PDZRN3: variants seen among roughly 807,000 people sequenced by gnomAD.
PDZRN3 encodes the protein PDZ domain containing ring finger 3, also known as E3 ubiquitin-protein ligase PDZRN3.
In PDZRN3, 38 loss-of-function variants were observed where a neutral mutation model predicts 85.7. The observed-to-expected ratio is 0.44, with a 90% CI of 0.34 to 0.58. The LOEUF is 0.58. Among genes scored for constraint, PDZRN3 ranks in the 20% least tolerant of loss-of-function variants. The pLI is 0.01. For missense variants in PDZRN3, 1,629 were observed against 1,506.4 expected, an observed-to-expected ratio of 1.08 and a Z score of -1.35; for synonymous variants, 759 against 638.0, an observed-to-expected ratio of 1.19 and a Z score of -2.86.
intron 3 of PDZRN3, among the ~76,000 whole-genome samples, chr3:73,475,453 T>G (rs374835406): frequency 6.6e-6 from 1 of 151,952 alleles, no homozygotes; most frequent in Non-Finnish European, 1.5e-5. Context: ...ATTCACAGGG[T>G]TCCCCCCCCA....
At chr3:73,583,528 C>T (rs537973807) in intron 3 of PDZRN3, among the ~76,000 whole-genome samples, 453 of 152,294 alleles carry the variant, frequency 3.0e-3, no homozygotes, top group Non-Finnish European at 4.2e-3. Flanking sequence ...ATATTCTGCA[C>T]CCTCCTCCCA....
At chr3:73,588,024 G>A (rs1314263238) in intron 3 of PDZRN3, among the ~76,000 whole-genome samples, 1 of 152,140 alleles carries the variant, frequency 6.6e-6, no homozygotes, top group Non-Finnish European at 1.5e-5. Flanking sequence ...TGTTTAATAG[G>A]TATATGTGTG....
intron 3 of PDZRN3, chr3:73,474,390 A>C (rs1703407791): frequency 1.1e-6 from 1 of 946,876 alleles, no homozygotes; most frequent in African/African-American, 1.7e-5. Context: ...GTGTATAATG[A>C]GCAAATACAA....
intron 3 of PDZRN3, among the ~76,000 whole-genome samples, chr3:73,477,520 C>T (rs574785382): frequency 3.9e-5 from 6 of 152,296 alleles, no homozygotes; most frequent in Admixed American, 2.6e-4. Flanking sequence ...GTGAGGGCTG[C>T]TGAGCCAACA....
intron 3 of PDZRN3, among the ~76,000 whole-genome samples, chr3:73,497,862 C>G (rs1703897675): frequency 6.6e-6 from 1 of 151,798 alleles, no homozygotes; most frequent in South Asian, 2.1e-4. Context: ...GGGCACGACT[C>G]GAACCTCTGG....
At chr3:73,489,827 CT>C (rs1703737248) in intron 3 of PDZRN3, among the ~76,000 whole-genome samples, 1 of 152,052 alleles carries the variant, frequency 6.6e-6, no homozygotes, top group Non-Finnish European at 1.5e-5. Flanking sequence ...CTGCCTCAGC[CT>C]CCCAAAGTGC....
At chr3:73,563,497 A>C (rs886843368) in intron 3 of PDZRN3, among the ~76,000 whole-genome samples, 30 of 152,194 alleles carry the variant, frequency 2.0e-4, no homozygotes, top group African/African-American at 7.2e-4. Flanking sequence ...TGTTTTCTGC[A>C]TGACTTTGCT....
intron 3 of PDZRN3, among the ~76,000 whole-genome samples, chr3:73,575,794 C>A (rs1486359276): frequency 6.6e-6 from 1 of 152,140 alleles, no homozygotes; most frequent in Non-Finnish European, 1.5e-5. Flanking sequence ...AACAGGAGAC[C>A]AAATTAACTG....
At position 73,603,886 on chromosome 3, in the gene PDZRN3, T is replaced by TACAC. The variant is rs370554640; in HGVS notation, c.811-1429_811-1426dup. 8.0e-3 allele frequency among the ~76,000 whole-genome samples: 1,153 copies of TACAC among 145,010 alleles called. 8 individuals are homozygous for TACAC. The highest frequency in any genetic ancestry group is 0.015 in the South Asian group (67 of 4,594). On this transcript the variant is annotated intron_variant, in intron 2 of 9. Coordinates refer to ENST00000263666, the MANE Select transcript of PDZRN3 (RefSeq NM_015009.3). ...ACTTCCCCAAACACACACACACACA[T>TACAC]ACACACACACACACACACACACAGA... is the stretch of plus-strand genomic sequence containing the variant.
chr3:73,429,780 C>T (rs1702392950), intron 3 of PDZRN3, among the ~76,000 whole-genome samples: 2 of 152,298 alleles, frequency 1.3e-5, no homozygotes, highest in South Asian at 4.1e-4. Context: ...AAAAGGACAT[C>T]AGCGTTCTCA....
chr3:73,384,295 G>T lies in PDZRN3; in HGVS notation c.2271C>A (p.Ala757=). 1 of 1,612,870 alleles carries T rather than the reference G, an allele frequency of 6.2e-7. No individual in the cohort carries two copies. The highest frequency in any genetic ancestry group is 8.5e-7 in the Non-Finnish European group (1 of 1,180,024). The change falls in exon 10 of 10, where the codon GCC becomes GCA. Residue 757 remains alanine, a synonymous_variant. Coordinates refer to ENST00000263666, the MANE Select transcript of PDZRN3 (RefSeq NM_015009.3). The part of the protein sequence containing the change: ...PEKSDKDSSS[A]YNTGESCRST... Reference sequence around the variant, plus strand: ...TGCGGCAGCTCTCGCCTGTGTTGTAGGCGCTCGAGCTGTCCTTGTCGGATT... The same window carrying T: ...TGCGGCAGCTCTCGCCTGTGTTGTATGCGCTCGAGCTGTCCTTGTCGGATT...
At chr3:73,444,003 G>A (rs979786195) in intron 3 of PDZRN3, among the ~76,000 whole-genome samples, 4 of 152,050 alleles carry the variant, frequency 2.6e-5, no homozygotes, top group Admixed American at 2.0e-4. Context: ...TGGAACGAAC[G>A]CGCAATTGGT....
At chr3:73,515,479 T>A (rs1704241528) in intron 3 of PDZRN3, among the ~76,000 whole-genome samples, 1 of 152,166 alleles carries the variant, frequency 6.6e-6, no homozygotes. Context: ...CCCGGCCCAA[T>A]CAGCCCTTCT....
chr3:73,393,198 G>A lies in PDZRN3; in HGVS notation c.1255-2082C>T, dbSNP rs182969801. On this transcript the variant is annotated intron_variant, in intron 5 of 9. Coordinates refer to ENST00000263666, the MANE Select transcript of PDZRN3 (RefSeq NM_015009.3). Reference sequence around the variant, plus strand: ...CACGTGCAACCCAAGCAGAGAGAGCGAGCAGTGGGAAGATTGTAGGAAGAA... The same window carrying A: ...CACGTGCAACCCAAGCAGAGAGAGCAAGCAGTGGGAAGATTGTAGGAAGAA... Among the ~76,000 whole-genome samples, 270 of 152,196 alleles carry A rather than the reference G, an allele frequency of 1.8e-3. 1 individual carries two copies. The highest frequency in any genetic ancestry group is 6.3e-3 in the African/African-American group (260 of 41,512).
Position 73,624,607 on chromosome 3 carries a change from G to T in PDZRN3, c.219C>A (p.Arg73=). 1 of 1,560,426 alleles carries T rather than the reference G, an allele frequency of 6.4e-7. No homozygotes were observed. Among genetic ancestry groups the T allele is most frequent in the Non-Finnish European group, 8.6e-7 (1 of 1,156,958 alleles). The part of the protein sequence containing the change: ...KELNHVLPLK[R]LILKLDIKCA... ...ACTTGATGTCCAGCTTGAGGATAAG[G>T]CGCTTGAGCGGCAGGACGTGGTTGA... is the stretch of plus-strand genomic sequence containing the variant. The change falls in exon 1 of 10, where the codon CGC becomes CGA. Residue 73 remains arginine (R), a synonymous_variant. Transcript: ENST00000263666.
At chr3:73,538,571 T>C (rs1313889230) in intron 3 of PDZRN3, among the ~76,000 whole-genome samples, 1 of 152,238 alleles carries the variant, frequency 6.6e-6, no homozygotes, top group Non-Finnish European at 1.5e-5. Flanking sequence ...GTATTTATTA[T>C]GTCGAGCTCT....
At chr3:73,509,600 G>A (rs536264088) in intron 3 of PDZRN3, among the ~76,000 whole-genome samples, 2 of 152,200 alleles carry the variant, frequency 1.3e-5, no homozygotes, top group African/African-American at 4.8e-5. Context: ...AGTCTTGGAG[G>A]GCAAGAAGTA....
At chr3:73,569,975 G>T (rs1702021957) in intron 3 of PDZRN3, among the ~76,000 whole-genome samples, 1 of 152,192 alleles carries the variant, frequency 6.6e-6, no homozygotes, top group South Asian at 2.1e-4. Flanking sequence ...TGACTCCTGA[G>T]AGGGGGTGAG....
intron 5 of PDZRN3, among the ~76,000 whole-genome samples, chr3:73,392,597 G>A (rs1701551199): frequency 6.6e-6 from 1 of 152,212 alleles, no homozygotes; most frequent in Admixed American, 6.5e-5. Flanking sequence ...CTGCCCCATA[G>A]AAAGTCCACG....
Sources: allele counts gnomAD v4.1 joint callset (sites outside exome capture counted in the v4.1 genomes callset), GRCh38; gene constraint gnomAD v4.1.1; transcripts MANE v1.5; gene names NCBI Gene and HGNC (gene_info 2026-07-23, HGNC 2026-07-21).